The following PRR14L variants were observed in gnomAD, a reference collection of about 807,000 sequenced individuals.
PRR14L encodes protein PRR14L.
A neutral mutation model predicts 155.0 loss-of-function variants in PRR14L; 80 were observed. The ratio of observed to expected loss-of-function variants is 0.52; its 90% CI spans 0.43 to 0.62. The LOEUF (loss-of-function observed/expected upper bound fraction) is 0.62. Among genes scored for constraint, PRR14L ranks in the 20% least tolerant of loss-of-function variants. PRR14L has a pLI of 0.00. For synonymous variants in PRR14L, 883 were observed against 916.0 expected (o/e 0.96, Z 0.65); for missense variants, 2,469 against 2,548.0 (o/e 0.97, Z 0.67).
intron 4 of PRR14L, among the ~76,000 whole-genome samples, chr22:31,710,719 G>A (rs551122133): frequency 7.2e-5 from 11 of 152,208 alleles, no homozygotes; most frequent in South Asian, 4.2e-4. Context: ...CTCCCAAAGC[G>A]CTGGGATTAT....
chr22:31,733,268 C>G (rs2074759975), intron 2 of PRR14L, among the ~76,000 whole-genome samples: 1 of 145,670 alleles, frequency 6.9e-6, no homozygotes, highest in African/African-American at 2.6e-5. Flanking sequence ...GTGCTGGGAT[C>G]ACAGGTGTGA....
chr22:31,713,290 G>T lies in PRR14L; in HGVS notation c.4549C>A (p.Pro1517Thr). 6.4e-7 allele frequency: 1 copy of T among 1,552,238 alleles called. No individual in the cohort carries two copies. The highest frequency in any genetic ancestry group is 8.7e-7 in the Non-Finnish European group (1 of 1,147,120). Residue 1517 changes from proline to threonine, a missense_variant, in exon 4 of 9, where the codon CCC becomes ACC. By Grantham distance (38) the Pro-to-Thr change is conservative (BLOSUM62 -1). This residue lies in a region of PRR14L where 2,363 missense variants were observed against 2,371.6 expected (regional missense o/e 1.00). Coordinates refer to ENST00000327423, the MANE Select transcript of PRR14L (RefSeq NM_173566.3). ...HGAFAKKGVLPLKKQPHRTCK... is the reference protein window; with the variant it reads ...HGAFAKKGVLTLKKQPHRTCK... ...GTTCGATGGGGCTGCTTCTTTAAGG[G>T]AAGAACTCCTTTCTTCGCAAAGGCA...
chr22:31,738,467 T>A lies in PRR14L; in HGVS notation c.394A>T (p.Ile132Leu), dbSNP rs1168033681. ...TTTGCTCCCTCAGAGGGTTCTCTTA[T>A]AATTCCTGCCTGGCCCCCTGGATCT... ...FRDPGGQAGI[I>L]REPSEGAKED... The change falls in exon 2 of 9, where the codon ATA becomes TTA. Residue 132 changes from isoleucine (I) to leucine (L), a missense_variant. Physicochemically the swap from Ile to Leu is conservative, Grantham distance 5. Coordinates refer to ENST00000327423, the MANE Select transcript of PRR14L (RefSeq NM_173566.3). 4 of 1,552,244 alleles carry A rather than the reference T, an allele frequency of 2.6e-6. No homozygotes were observed. The highest frequency in any genetic ancestry group is 3.5e-6 in the Non-Finnish European group (4 of 1,147,124).
At chr22:31,742,520 T>C (rs1200380682) in intron 1 of PRR14L, among the ~76,000 whole-genome samples, 1 of 152,020 alleles carries the variant, frequency 6.6e-6, no homozygotes, top group Non-Finnish European at 1.5e-5. Flanking sequence ...GCACATGCCA[T>C]CACGCGTGGC....
At chr22:31,736,481 T>C (rs1243830169) in intron 2 of PRR14L, among the ~76,000 whole-genome samples, 1 of 152,028 alleles carries the variant, frequency 6.6e-6, no homozygotes, top group Non-Finnish European at 1.5e-5. Context: ...AGTCACTGTA[T>C]GAAGCCCACT....
chr22:31,743,499 T>C (rs1011447757), intron 1 of PRR14L, among the ~76,000 whole-genome samples: 1 of 152,116 alleles, frequency 6.6e-6, no homozygotes, highest in African/African-American at 2.4e-5. Flanking sequence ...AAAAAAATGA[T>C]TTCTTTTAAA....
At chr22:31,685,935 CTT>C (rs2074479928) in intron 8 of PRR14L, 132 bp from the exon 9 acceptor site, 2 of 804,098 alleles carry the variant, frequency 2.5e-6, no homozygotes, top group Admixed American at 2.9e-5. Context: ...TGCGCCAACT[CTT>C]TTTCTTTTTT....
intron 3 of PRR14L, among the ~76,000 whole-genome samples, chr22:31,719,600 A>G (rs1212506233): frequency 6.6e-6 from 1 of 152,220 alleles, no homozygotes; most frequent in African/African-American, 2.4e-5. Context: ...GTTAGGTCAA[A>G]TAAACAAATG....
chr22:31,689,274 A>G (rs1569497088), intron 7 of PRR14L, among the ~76,000 whole-genome samples: 1 of 152,122 alleles, frequency 6.6e-6, no homozygotes, highest in South Asian at 2.1e-4. Flanking sequence ...GTTGAGCCCA[A>G]GAGTTCGAGA....
chr22:31,693,967 A>G (rs1382864315), intron 7 of PRR14L, among the ~76,000 whole-genome samples: 1 of 152,166 alleles, frequency 6.6e-6, no homozygotes, highest in Non-Finnish European at 1.5e-5. Context: ...ACCCACTTGT[A>G]TTTCTTTAAC....
chr22:31,695,232 T>G (rs1448469298), intron 7 of PRR14L, among the ~76,000 whole-genome samples: 1 of 152,238 alleles, frequency 6.6e-6, no homozygotes, highest in Non-Finnish European at 1.5e-5. Context: ...CAGCTCAAAA[T>G]CTGCCCTGCA....
intron 1 of PRR14L, 109 bp downstream of exon 1, chr22:31,749,884 G>A (rs996238700): frequency 1.3e-5 from 2 of 152,528 alleles, no homozygotes; most frequent in Non-Finnish European, 2.9e-5. Context: ...GCCCCGAGAG[G>A]GCGGGGGGCC....
At chr22:31,704,033 G>A (rs1006242780) in intron 5 of PRR14L, among the ~76,000 whole-genome samples, 1 of 152,028 alleles carries the variant, frequency 6.6e-6, no homozygotes, top group Non-Finnish European at 1.5e-5. Context: ...CCGACCTTAG[G>A]TGATCCACCC....
chr22:31,687,216 A>G (rs1161885366), intron 8 of PRR14L, among the ~76,000 whole-genome samples: 21 of 149,238 alleles, frequency 1.4e-4, no homozygotes. Context: ...TTTGTATTTT[A>G]GTAGAGACAG....
chr22:31,685,551 C>T lies in PRR14L; in HGVS notation c.6432G>A (p.Glu2144=), dbSNP rs770047386. 1.3e-6 allele frequency: 2 copies of T among 1,551,684 alleles called. No homozygotes were observed. The highest frequency in any genetic ancestry group is 2.4e-5 in the East Asian group (1 of 40,914). ...ELETFFAKEE[E]QEQSSGC ...CTCAACAGCCTGATGATTGTTCCTG[C>T]TCCTCTTCCTTGGCAAAGAAGGTCT... Residue 2144 remains glutamate, a synonymous_variant, in exon 9 of 9, where the codon GAG becomes GAA. Transcript: ENST00000327423.
rs559610474 is a variant in PRR14L, at chr22:31,703,647, A to G, written c.5903T>C (p.Leu1968Pro). The change falls in exon 6 of 9, where the codon CTT becomes CCT. Residue 1968 changes from leucine (L) to proline (P), a missense_variant. Leu to Pro is a moderately conservative substitution (Grantham distance 98). This residue lies in a region of PRR14L where 2,363 missense variants were observed against 2,371.6 expected (regional missense o/e 1.00). Coordinates refer to ENST00000327423, the MANE Select transcript of PRR14L (RefSeq NM_173566.3). ...ACGAACCTGGAACTCAGAGGCTGAA[A>G]GCAGGAGCTTGCTGACAGCTGATTC... is the stretch of plus-strand genomic sequence containing the variant. Reference protein sequence around the residue: ...VAESAVSKLLLSASEFQVRGL... With the variant: ...VAESAVSKLLPSASEFQVRGL... The G allele has an allele frequency of 1.9e-6, 3 of 1,613,408 alleles. No individual in the cohort carries two copies. Among genetic ancestry groups the G allele is most frequent in the South Asian group, 1.1e-5 (1 of 90,996 alleles).
chr22:31,715,693 TG>T lies in PRR14L; in HGVS notation c.2145del (p.Asp715GlufsTer19). The T allele has an allele frequency of 6.4e-7, 1 of 1,552,280 alleles. No individual in the cohort carries two copies. Among genetic ancestry groups the T allele is most frequent in the Non-Finnish European group, 8.7e-7 (1 of 1,147,072 alleles). ...CAGGTTTGGTTACCTGGTGGAGAGATGTCTTTTATTTTTGTCTGAATGGGAA... is the reference window on the plus strand; with the variant it reads ...CAGGTTTGGTTACCTGGTGGAGAGATTCTTTTATTTTTGTCTGAATGGGAA... ...QTIPIQTKIK[D>X]ISPPGNQTCG... On this transcript the variant is annotated frameshift_variant, in exon 4 of 9. Transcript: ENST00000327423. LOFTEE classifies it high-confidence loss of function.
In PRR14L at chr22:31,738,545, C is replaced by T. The variant is rs1167551897; in HGVS notation, c.316G>A (p.Gly106Arg). Residue 106 changes from glycine to arginine, a missense_variant, in exon 2 of 9, where the codon GGG (glycine) becomes AGG (arginine). Physicochemically the swap from Gly to Arg is moderately radical, Grantham distance 125. Around this residue, in one of 2 missense-constraint regions of PRR14L, gnomAD observed 2,363 missense variants for 2,371.6 expected, o/e 1.00. Coordinates refer to ENST00000327423, the MANE Select transcript of PRR14L (RefSeq NM_173566.3). The stretch of plus-strand genomic sequence containing the variant: ...CTTCTCTTTGCCCTATCCAAGATCC[C>T]AGATGCCACAGAACCTCCTGCTGTG... ...DSTAGGSVAS[G>R]ILDRAKRSES... 6.4e-7 allele frequency: 1 copy of T among 1,551,998 alleles called. No individual in the cohort carries two copies. The highest frequency in any genetic ancestry group is 8.7e-7 in the Non-Finnish European group (1 of 1,147,040).
intron 2 of PRR14L, among the ~76,000 whole-genome samples, chr22:31,737,706 CTG>C (rs1037840831): frequency 5.9e-5 from 9 of 151,842 alleles, no homozygotes; most frequent in Admixed American, 1.3e-4. Context: ...ACCAACCTCT[CTG>C]GGTATAATTT....
Sources: allele counts gnomAD v4.1 joint callset (sites outside exome capture counted in the v4.1 genomes callset), GRCh38; gene constraint gnomAD v4.1.1; regional missense constraint gnomAD v4.1.1; transcripts MANE v1.5; gene names NCBI Gene and HGNC (gene_info 2026-07-23, HGNC 2026-07-21).